The following RIOK2 variants were observed in gnomAD, a reference collection of about 807,000 sequenced individuals.
RIOK2 encodes the protein RIO kinase 2, also known as serine/threonine-protein kinase RIO2.
A neutral mutation model predicts 62.4 loss-of-function variants in RIOK2; 46 were observed. The observed-to-expected ratio is 0.74, with a 90% CI of 0.58 to 0.94. RIOK2 has a LOEUF of 0.94. Ranked by LOEUF, RIOK2 falls within the 40% of genes least tolerant of loss-of-function variation. RIOK2 has a pLI of 0.00. For missense variants in RIOK2, 574 were observed against 658.0 expected, an observed-to-expected ratio of 0.87 and a Z score of 1.40; for synonymous variants, 197 against 216.0, an observed-to-expected ratio of 0.91 and a Z score of 0.77.
chr5:97,174,288 C>G lies in RIOK2; in HGVS notation c.499-1025G>C, dbSNP rs572706144. 4.6e-5 allele frequency among the ~76,000 whole-genome samples: 7 copies of G among 152,286 alleles called. No homozygotes were observed. In the South Asian group the frequency reaches 1.4e-3, roughly 32 times the overall value. ...CAAAAAAATTAGCCAGGCGTGGTGGCACATGCCTGTAGTCCCAGCTACCTG... is the reference window on the plus strand; with the variant it reads ...CAAAAAAATTAGCCAGGCGTGGTGGGACATGCCTGTAGTCCCAGCTACCTG... On this transcript the variant is annotated intron_variant, in intron 4 of 9. Transcript: ENST00000283109.
rs561623743 is a variant in RIOK2, at chr5:97,162,276, G to A, written c.*785C>T. 2.0e-5 allele frequency: 3 copies of A among 152,282 alleles called. No homozygotes were observed. Among genetic ancestry groups the A allele is most frequent in the Non-Finnish European group, 4.4e-5 (3 of 68,024 alleles). The allele number at this position is 152,282 out of a possible 1,614,324, so 9.4% of individuals were successfully genotyped here. On this transcript the variant is annotated 3_prime_UTR_variant, in exon 10 of 10. Coordinates refer to ENST00000283109, the MANE Select transcript of RIOK2 (RefSeq NM_018343.3). ...CTGAATTATAAAGTCCTTGAGGAAG[G>A]GACCATGGCTATGTATTTTCTTTCC...
intron 1 of RIOK2, 95 bp downstream of exon 1, chr5:97,183,031 G>C (rs758882738): frequency 7.7e-7 from 1 of 1,305,174 alleles, no homozygotes; most frequent in South Asian, 1.2e-5. Context: ...CCGGGTCCCA[G>C]AGTGTGCCTG....
At chr5:97,173,788 ATATAAATC>A (rs1749082805) in intron 4 of RIOK2, among the ~76,000 whole-genome samples, 1 of 152,220 alleles carries the variant, frequency 6.6e-6, no homozygotes, top group Non-Finnish European at 1.5e-5. Flanking sequence ...ACAATATGCA[ATATAAATC>A]TATTATGTGA....
At position 97,168,760 on chromosome 5, in the gene RIOK2, C is replaced by T. The variant is rs755686190; in HGVS notation, c.872G>A (p.Arg291Lys). The change falls in exon 7 of 10, where the codon AGG becomes AAG. Residue 291 changes from arginine to lysine, a missense_variant and splice_region_variant. Transcript: ENST00000283109. ...ATGTAAAGCAATGGGGAGTACAAAC[C>T]TGATATCCTTAAAAGTTGGAAAAAG... ...SELFPTFKDIRREDTLDVEVS... is the reference protein window; with the variant it reads ...SELFPTFKDIKREDTLDVEVS... 1 of 1,572,086 alleles carries T rather than the reference C, an allele frequency of 6.4e-7. No individual in the cohort carries two copies. Among genetic ancestry groups the T allele is most frequent in the East Asian group, 2.3e-5 (1 of 44,242 alleles).
In RIOK2 at chr5:97,173,251, T is replaced by G. The variant is rs1749065883; in HGVS notation, c.511A>C (p.Arg171=). ...ATTGGCTTTGGAACTGGAAATTTCC[T>G]CTCATACAATGCCTAAAATGTTGCA... ...EFAYMKALYE[R]KFPVPKPIDY... Residue 171 remains arginine (R), a synonymous_variant, in exon 5 of 10, where the codon AGG becomes CGG. Coordinates refer to ENST00000283109, the MANE Select transcript of RIOK2 (RefSeq NM_018343.3). 2 of 1,612,252 alleles carry G rather than the reference T, an allele frequency of 1.2e-6. No homozygotes were observed. The highest frequency in any genetic ancestry group is 3.3e-5 in the Admixed American group (2 of 59,940).
At chr5:97,165,759 ATTGTTCCC>A (rs1346312193) in intron 8 of RIOK2, among the ~76,000 whole-genome samples, 9 of 152,316 alleles carry the variant, frequency 5.9e-5, no homozygotes, top group African/African-American at 2.2e-4. Context: ...GAACAAAATT[ATTGTTCCC>A]ATTCTGAGTT....
At chr5:97,178,953 G>T in intron 2 of RIOK2, 102 bp downstream of exon 2, 1 of 1,329,990 alleles carries the variant, frequency 7.5e-7, no homozygotes, top group Non-Finnish European at 1.1e-6. Context: ...TTCGTCTAAT[G>T]CTTTACTAGT....
At chr5:97,178,834 C>G (rs1436872314) in intron 2 of RIOK2, 1 of 577,620 alleles carries the variant, frequency 1.7e-6, no homozygotes, top group African/African-American at 1.9e-5. Context: ...TGCTCTTCTG[C>G]AGTACCTACA....
chr5:97,164,433 G>A (rs867245766), intron 9 of RIOK2, among the ~76,000 whole-genome samples: 5 of 151,886 alleles, frequency 3.3e-5, no homozygotes, highest in South Asian at 2.1e-4. Context: ...CCCAGGAGGC[G>A]GAGGTTGCAG....
chr5:97,179,754 T>C (rs1219131537), intron 1 of RIOK2, among the ~76,000 whole-genome samples: 1 of 124,588 alleles, frequency 8.0e-6, no homozygotes, highest in Non-Finnish European at 1.6e-5. Flanking sequence ...TAAGTGGGAG[T>C]TGAACAGTAA....
intron 1 of RIOK2, chr5:97,182,861 G>A (rs1749461186): frequency 4.9e-6 from 2 of 404,860 alleles, no homozygotes; most frequent in Admixed American, 7.2e-5. Context: ...AGATGCAAGC[G>A]TTTCTCTTCA....
intron 4 of RIOK2, among the ~76,000 whole-genome samples, chr5:97,176,643 A>G (rs1580275499): frequency 1.3e-5 from 2 of 152,242 alleles, no homozygotes; most frequent in South Asian, 2.1e-4. Flanking sequence ...GCCAATTTTT[A>G]CCATTTTTAA....
rs774370577 is a variant in RIOK2 at position 97,183,163 on chromosome 5, C to T, written c.29G>A (p.Arg10His). 4 of 1,614,108 alleles carry T rather than the reference C, an allele frequency of 2.5e-6. No individual in the cohort carries two copies. The South Asian group carries it at 4.4e-5, about 18-fold the overall frequency. Residue 10 changes from arginine (R) to histidine (H), a missense_variant, in exon 1 of 10, where the codon CGT becomes CAT. Transcript: ENST00000283109. MGKVNVAKL[R>H]YMSRDDFRVL... The stretch of plus-strand genomic sequence containing the variant: ...CCTGAAGTCATCTCGGCTCATGTAA[C>T]GCAACTTGGCCACATTCACTTTCCC...
chr5:97,179,979 TATATATATATAAAA>T (rs1561521961), intron 1 of RIOK2, among the ~76,000 whole-genome samples: 919 of 31,192 alleles, frequency 0.029, 84 homozygotes, highest in African/African-American at 0.091. Flanking sequence ...ATATATATAA[TATATATATATAAAA>T]TATATATATA....
At chr5:97,163,298 A>C (rs1748753738) in intron 9 of RIOK2, 73 bp from the exon 10 acceptor site, 3 of 1,210,066 alleles carry the variant, frequency 2.5e-6, no homozygotes, top group Non-Finnish European at 3.6e-6. Context: ...TATCTGTTCT[A>C]TTTATATATT....
intron 1 of RIOK2, among the ~76,000 whole-genome samples, chr5:97,181,058 G>C (rs1749393721): frequency 6.6e-6 from 1 of 151,980 alleles, no homozygotes; most frequent in Admixed American, 6.6e-5. Flanking sequence ...TGGATCACGA[G>C]GTCAAGAGAT....
intron 9 of RIOK2, among the ~76,000 whole-genome samples, chr5:97,164,130 G>A (rs1208008309): frequency 9.9e-5 from 15 of 151,984 alleles, no homozygotes; most frequent in Admixed American, 5.9e-4. Context: ...GGGCTCAAGC[G>A]ATCCTTCCAC....
chr5:97,173,546 A>G (rs966105930), intron 4 of RIOK2, among the ~76,000 whole-genome samples: 4 of 152,224 alleles, frequency 2.6e-5, no homozygotes, highest in African/African-American at 9.6e-5. Flanking sequence ...TGAATGTTAA[A>G]AAGTTTCTAA....
At chr5:97,166,913 G>A in intron 8 of RIOK2, 2 of 939,736 alleles carry the variant, frequency 2.1e-6, no homozygotes, top group East Asian at 1.2e-4. Flanking sequence ...TCATCAGTTT[G>A]TATATATATA....
Sources: gnomAD v4.1 joint callset for allele counts (sites outside exome capture counted in the v4.1 genomes callset) on GRCh38, gnomAD v4.1.1 for gene constraint, MANE v1.5 for transcripts, NCBI Gene and HGNC (gene_info 2026-07-23, HGNC 2026-07-21) for gene names.